The following PKP4 variants were observed in gnomAD, a reference collection of about 807,000 sequenced individuals.
PKP4 encodes the protein plakophilin-4.
In PKP4, 90 loss-of-function variants were observed where a neutral mutation model predicts 145.1. That is an observed-to-expected ratio of 0.62 (90% CI 0.52 to 0.74). PKP4 has a LOEUF of 0.74. Among genes scored for constraint, PKP4 ranks in the 30% least tolerant of loss-of-function variants. The pLI, the probability that PKP4 is intolerant of heterozygous loss-of-function variation, is 0.00. For missense variants in PKP4, 1,340 were observed against 1,482.7 expected (o/e 0.90, Z 1.58); for synonymous variants, 563 against 577.2 (o/e 0.98, Z 0.35).
intron 3 of PKP4, among the ~76,000 whole-genome samples, chr2:158,585,341 T>G (rs1056408307): frequency 3.9e-5 from 6 of 152,226 alleles, no homozygotes; most frequent in African/African-American, 1.4e-4. Flanking sequence ...TGACAAATAG[T>G]GTTCTTACTA....
rs543017158 is a variant in PKP4, at chr2:158,533,600, C to T, written c.132+284C>T. The T allele has an allele frequency of 4.8e-4, 234 of 485,506 alleles. 2 individuals are homozygous for T. Among genetic ancestry groups the T allele is most frequent in the South Asian group, 3.2e-3 (189 of 58,982 alleles). 30.1% of individuals were successfully genotyped at this position (485,506 alleles called of 1,614,324 possible). On this transcript the variant is annotated intron_variant, in intron 2 of 21. Transcript: ENST00000389759. The stretch of plus-strand genomic sequence containing the variant: ...CCACATTGCAGAGTGTGTGCATGCA[C>T]GCAAAGCTGTGTAAAGCATAGTTCT...
chr2:158,564,507 CA>C (rs2046814826), intron 2 of PKP4, among the ~76,000 whole-genome samples: 1 of 152,014 alleles, frequency 6.6e-6, no homozygotes, highest in Non-Finnish European at 1.5e-5. Context: ...ACTAGATTTC[CA>C]AGTGGGGATG....
At chr2:158,480,264 T>C (rs1693145949) in intron 1 of PKP4, among the ~76,000 whole-genome samples, 1 of 152,176 alleles carries the variant, frequency 6.6e-6, no homozygotes, top group Admixed American at 6.5e-5. Flanking sequence ...TGAGACAGAG[T>C]CTTACCTTGT....
At chr2:158,595,137 T>C (rs2049613616) in intron 3 of PKP4, among the ~76,000 whole-genome samples, 1 of 152,228 alleles carries the variant, frequency 6.6e-6, no homozygotes, top group African/African-American at 2.4e-5. Context: ...GGGCAATCCT[T>C]ACCTGACTAA....
chr2:158,671,935 G>A (rs1194423465), intron 17 of PKP4, among the ~76,000 whole-genome samples: 2 of 152,182 alleles, frequency 1.3e-5, no homozygotes, highest in Non-Finnish European at 2.9e-5. Flanking sequence ...GCTCCCTGGG[G>A]GAAGAGCATT....
intron 2 of PKP4, among the ~76,000 whole-genome samples, chr2:158,566,104 G>GA (rs946698766): frequency 3.3e-5 from 5 of 151,928 alleles, no homozygotes; most frequent in East Asian, 1.9e-4. Flanking sequence ...ATAGTCTTAA[G>GA]AAAAAAATCT....
intron 4 of PKP4, among the ~76,000 whole-genome samples, chr2:158,609,707 T>C (rs543949544): frequency 6.6e-6 from 1 of 152,322 alleles, no homozygotes; most frequent in South Asian, 2.1e-4. Context: ...TTGAATTGGA[T>C]TTTTAAATAG....
intron 1 of PKP4, among the ~76,000 whole-genome samples, chr2:158,484,664 T>A (rs1374646623): frequency 6.6e-6 from 1 of 152,234 alleles, no homozygotes; most frequent in African/African-American, 2.4e-5. Context: ...ATAAAGATGA[T>A]GACAATCAGC....
At chr2:158,522,824 G>C (rs537546569) in intron 1 of PKP4, among the ~76,000 whole-genome samples, 1 of 152,220 alleles carries the variant, frequency 6.6e-6, no homozygotes, top group Non-Finnish European at 1.5e-5. Context: ...CCTGGGAAGC[G>C]CAAGGGGTCA....
chr2:158,545,778 A>C (rs1048760957), intron 2 of PKP4, among the ~76,000 whole-genome samples: 1 of 152,196 alleles, frequency 6.6e-6, no homozygotes, highest in Admixed American at 6.5e-5. Flanking sequence ...GTTTGTAAAA[A>C]TTCTTTGAAG....
At chr2:158,610,740 A>T (rs1452310503) in intron 4 of PKP4, among the ~76,000 whole-genome samples, 2 of 152,184 alleles carry the variant, frequency 1.3e-5, no homozygotes, top group South Asian at 4.1e-4. Flanking sequence ...AAAAATTACT[A>T]GAGTTTAGGT....
chr2:158,659,582 G>C (rs2056355514), intron 12 of PKP4: 1 of 152,234 alleles, frequency 6.6e-6, no homozygotes, highest in African/African-American at 2.4e-5. Flanking sequence ...GTTATTGAAT[G>C]GTTACTTTGG....
At chr2:158,535,120 T>G (rs950540211) in intron 2 of PKP4, among the ~76,000 whole-genome samples, 13 of 152,328 alleles carry the variant, frequency 8.5e-5, no homozygotes, top group African/African-American at 3.1e-4. Flanking sequence ...GATACTCTCC[T>G]GGTTTTAAAT....
chr2:158,661,442 G>T lies in PKP4; in HGVS notation c.2203G>T (p.Asp735Tyr). ...IHTCVNTSDY[D>Y]SKTVENCVCT... ...CACGTGTGTGAACACATCCGATTAC[G>T]ACAGCAAGGTCAGTGCCGGCCTGGT... The change falls in exon 13 of 22, where the codon GAC (aspartate) becomes TAC (tyrosine). Residue 735 changes from aspartate (D) to tyrosine (Y), a missense_variant. By Grantham distance (160) the Asp-to-Tyr change is radical. Coordinates refer to ENST00000389759, the MANE Select transcript of PKP4 (RefSeq NM_003628.6). 6.2e-7 allele frequency: 1 copy of T among 1,606,968 alleles called. No homozygotes were observed. The highest frequency in any genetic ancestry group is 1.1e-5 in the South Asian group (1 of 90,820).
intron 1 of PKP4, among the ~76,000 whole-genome samples, chr2:158,529,312 A>G (rs992232099): frequency 2.0e-5 from 3 of 152,222 alleles, no homozygotes; most frequent in Admixed American, 2.0e-4. Flanking sequence ...TCAGAGGCTT[A>G]TAGGCATCTG....
intron 2 of PKP4, among the ~76,000 whole-genome samples, chr2:158,563,659 A>T (rs1464017348): frequency 4.6e-5 from 7 of 152,092 alleles, no homozygotes; most frequent in Non-Finnish European, 1.0e-4. Flanking sequence ...TTCCAAGTAT[A>T]TCACAACCTC....
At chr2:158,602,971 T>A (rs1331850895) in intron 3 of PKP4, 99 bp from the exon 4 acceptor site, 2 of 617,064 alleles carry the variant, frequency 3.2e-6, no homozygotes, top group Non-Finnish European at 5.6e-6. Flanking sequence ...CTTGTATAAT[T>A]TAATGTGGAA....
chr2:158,464,135 T>G (rs1334552817), intron 1 of PKP4, among the ~76,000 whole-genome samples: 1 of 152,218 alleles, frequency 6.6e-6, no homozygotes, highest in Non-Finnish European at 1.5e-5. Flanking sequence ...AAGGGACTAG[T>G]CTTGTTACAG....
intron 4 of PKP4, among the ~76,000 whole-genome samples, chr2:158,614,676 A>G (rs1022552072): frequency 1.3e-5 from 2 of 152,236 alleles, no homozygotes; most frequent in African/African-American, 2.4e-5. Context: ...CTTATGCATG[A>G]TATATGAACA....
Sources: gnomAD v4.1 joint callset for allele counts (sites outside exome capture counted in the v4.1 genomes callset) on GRCh38, gnomAD v4.1.1 for gene constraint, MANE v1.5 for transcripts, NCBI Gene and HGNC (gene_info 2026-07-23, HGNC 2026-07-21) for gene names.